MCPH1: variants seen among roughly 807,000 people sequenced by gnomAD.
MCPH1 encodes the protein microcephalin.
Under a neutral mutation model 84.5 loss-of-function variants are expected in MCPH1, and 104 were observed. That is an observed-to-expected ratio of 1.23 (90% CI 1.05 to 1.45). The LOEUF (loss-of-function observed/expected upper bound fraction) is 1.45, where lower values mean the gene tolerates loss of function less well. MCPH1 is among the 40% of genes most tolerant of loss of function. The pLI is 0.00. For missense variants in MCPH1, 1,498 were observed against 1,005.7 expected (o/e 1.49, Z -6.62); for synonymous variants, 514 against 366.8 (o/e 1.40, Z -4.58).
chr8:6,422,002 A>G lies in MCPH1; in HGVS notation c.233+7119A>G, dbSNP rs151061382. Among the ~76,000 whole-genome samples the G allele has an allele frequency of 1.2e-3, 180 of 152,360 alleles. 3 individuals are homozygous for G. In the East Asian group the frequency reaches 0.03, roughly 25 times the overall value. On this transcript the variant is annotated intron_variant, in intron 3 of 13. Coordinates refer to ENST00000344683, the MANE Select transcript of MCPH1 (RefSeq NM_024596.5). Reference sequence around the variant, plus strand: ...TGCATTGCAAGGTCGCTTTATCAGAAGAGCTTCCTCTGTCCCCAGTTCACA... The same window carrying G: ...TGCATTGCAAGGTCGCTTTATCAGAGGAGCTTCCTCTGTCCCCAGTTCACA...
At chr8:6,617,275 T>G (rs1199571925) in intron 12 of MCPH1, 2 of 133,636 alleles carry the variant, frequency 1.5e-5, no homozygotes, top group African/African-American at 7.0e-5. Flanking sequence ...GGTGTTTTTT[T>G]TGTTTTTTTT....
chr8:6,481,046 C>T (rs954405478), intron 11 of MCPH1, among the ~76,000 whole-genome samples, 170 bp downstream of exon 11: 7 of 152,210 alleles, frequency 4.6e-5, no homozygotes, highest in Non-Finnish European at 1.0e-4. Flanking sequence ...CCGTGGGCTG[C>T]TACCCTTCAA....
intron 12 of MCPH1, among the ~76,000 whole-genome samples, chr8:6,525,030 C>A (rs751120325): frequency 3.3e-5 from 5 of 152,198 alleles, no homozygotes; most frequent in Non-Finnish European, 7.3e-5. Flanking sequence ...TGAAGGCATT[C>A]GATTTCATGG....
chr8:6,611,854 G>A (rs1457586412), intron 12 of MCPH1, among the ~76,000 whole-genome samples: 11 of 152,166 alleles, frequency 7.2e-5, no homozygotes, highest in Admixed American at 2.6e-4. Context: ...TCCTGACCTC[G>A]TGATCCACCC....
rs984353527 is a variant in MCPH1 at position 6,505,664 on chromosome 8, AATAT to A, written c.2214+5741_2214+5744del. 1.1e-4 allele frequency among the ~76,000 whole-genome samples: 14 copies of A among 130,160 alleles called. 1 individual carries two copies. Among genetic ancestry groups the A allele is most frequent in the African/African-American group, 4.0e-4 (14 of 35,354 alleles). The allele number at this position is 130,160 out of a possible 152,430, so 85.4% of individuals were successfully genotyped here. A position where few individuals can be genotyped will look rare whatever the true frequency, so the allele number is the denominator to read the frequency against. On this transcript the variant is annotated intron_variant, in intron 12 of 13. Coordinates refer to ENST00000344683, the MANE Select transcript of MCPH1 (RefSeq NM_024596.5). ...ATTCTTTATATCTATTTATATATAG[AATAT>A]ATATACTTTACATATATAGAATATA...
At chr8:6,514,679 C>T (rs776252598) in intron 12 of MCPH1, 1 of 1,613,728 alleles carries the variant, frequency 6.2e-7, no homozygotes. Context: ...GTCCTTACCA[C>T]TTTATATTCT....
chr8:6,580,317 T>C (rs1254044181), intron 12 of MCPH1, among the ~76,000 whole-genome samples: 3 of 151,924 alleles, frequency 2.0e-5, no homozygotes, highest in Non-Finnish European at 4.4e-5. Flanking sequence ...ATGCTCACAA[T>C]TCCCTGATAC....
At chr8:6,513,831 G>C in intron 12 of MCPH1, 1 of 1,606,710 alleles carries the variant, frequency 6.2e-7, no homozygotes, top group Non-Finnish European at 8.5e-7. Flanking sequence ...TTCTCCTGAA[G>C]GGTTACCAAA....
chr8:6,477,903 G>C (rs904031649), intron 10 of MCPH1, among the ~76,000 whole-genome samples: 2 of 152,318 alleles, frequency 1.3e-5, no homozygotes, highest in South Asian at 2.1e-4. Flanking sequence ...ATAGCTTCAT[G>C]AATGTTCAAG....
chr8:6,577,936 G>C (rs1827245486), intron 12 of MCPH1, among the ~76,000 whole-genome samples: 1 of 152,196 alleles, frequency 6.6e-6, no homozygotes, highest in African/African-American at 2.4e-5. Context: ...CTTCCGAGAT[G>C]GAGTGTCTGT....
chr8:6,406,768 T>A, intron 1 of MCPH1, 79 bp downstream of exon 1: 1 of 1,522,400 alleles, frequency 6.6e-7, no homozygotes, highest in Non-Finnish European at 9.0e-7. Context: ...ACTCGGGGGA[T>A]CCCGTGGGAG....
chr8:6,539,155 G>T (rs768328456), intron 12 of MCPH1, among the ~76,000 whole-genome samples: 2 of 152,230 alleles, frequency 1.3e-5, no homozygotes, highest in Non-Finnish European at 2.9e-5. Context: ...ATTTTGGGCA[G>T]CACTTTGTCC....
intron 2 of MCPH1, among the ~76,000 whole-genome samples, chr8:6,413,855 A>G (rs1188922803): frequency 2.0e-5 from 3 of 151,990 alleles, no homozygotes; most frequent in Non-Finnish European, 2.9e-5. Context: ...CCCGGGTTGA[A>G]GTGATTCTCC....
intron 12 of MCPH1, among the ~76,000 whole-genome samples, chr8:6,606,463 G>C (rs767169615): frequency 6.6e-6 from 1 of 152,202 alleles, no homozygotes; most frequent in Admixed American, 6.5e-5. Context: ...GGGTGTTCAT[G>C]TTCTATTAAA....
At chr8:6,598,607 A>T (rs1415859617) in intron 12 of MCPH1, among the ~76,000 whole-genome samples, 1 of 152,228 alleles carries the variant, frequency 6.6e-6, no homozygotes, top group East Asian at 1.9e-4. Flanking sequence ...GCTTTCCAAA[A>T]GGTAAACACC....
chr8:6,527,508 G>C (rs1323604979), intron 12 of MCPH1: 53 of 1,586,604 alleles, frequency 3.3e-5, no homozygotes, highest in Non-Finnish European at 4.4e-5. Context: ...TTTCATATCT[G>C]GAAAGTGTGC....
At chr8:6,633,552 T>A (rs1023497083) in intron 13 of MCPH1, among the ~76,000 whole-genome samples, 1 of 152,152 alleles carries the variant, frequency 6.6e-6, no homozygotes, top group Non-Finnish European at 1.5e-5. Flanking sequence ...CCTGACCTCA[T>A]GTGACAGGGC....
At chr8:6,460,042 C>G (rs1479421784) in intron 9 of MCPH1, among the ~76,000 whole-genome samples, 1 of 152,136 alleles carries the variant, frequency 6.6e-6, no homozygotes, top group East Asian at 1.9e-4. Flanking sequence ...GATTGTTGTA[C>G]CAGGGTATTG....
At chr8:6,595,017 C>G (rs943235040) in intron 12 of MCPH1, among the ~76,000 whole-genome samples, 3 of 152,178 alleles carry the variant, frequency 2.0e-5, no homozygotes, top group African/African-American at 7.2e-5. Flanking sequence ...AATCTTAAGA[C>G]TATATAGTTG....
Sources: gnomAD v4.1 joint callset for allele counts (sites outside exome capture counted in the v4.1 genomes callset) on GRCh38, gnomAD v4.1.1 for gene constraint, MANE v1.5 for transcripts, NCBI Gene and HGNC (gene_info 2026-07-23, HGNC 2026-07-21) for gene names.